The following KIAA0319 variants were observed in gnomAD, a reference collection of about 807,000 sequenced individuals.
KIAA0319 encodes the protein KIAA0319, also known as dyslexia-associated protein KIAA0319.
Under a neutral mutation model 108.4 loss-of-function variants are expected in KIAA0319, and 83 were observed. That is an observed-to-expected ratio of 0.77 (90% CI 0.64 to 0.92). The LOEUF (loss-of-function observed/expected upper bound fraction) is 0.92, where lower values mean the gene tolerates loss of function less well. KIAA0319 is among the 40% of genes least tolerant of loss of function. The pLI is 0.00. For missense variants in KIAA0319, 1,195 were observed against 1,322.4 expected, an observed-to-expected ratio of 0.90 and a Z score of 1.49; for synonymous variants, 484 against 510.4, an observed-to-expected ratio of 0.95 and a Z score of 0.70.
chr6:24,626,946 C>T (rs1337883789), intron 1 of KIAA0319, among the ~76,000 whole-genome samples: 5 of 152,098 alleles, frequency 3.3e-5, no homozygotes, highest in Admixed American at 3.3e-4. Context: ...ACAGAAATGG[C>T]AAGTTAAGAC....
chr6:24,630,387 T>C (rs1358245689), intron 1 of KIAA0319, among the ~76,000 whole-genome samples: 1 of 150,412 alleles, frequency 6.6e-6, no homozygotes, highest in Non-Finnish European at 1.5e-5. Flanking sequence ...CATGCGCCTG[T>C]AATCCCAGCT....
chr6:24,608,733 A>G (rs982088964), intron 1 of KIAA0319, among the ~76,000 whole-genome samples: 6 of 151,792 alleles, frequency 4.0e-5, no homozygotes, highest in Non-Finnish European at 7.4e-5. Context: ...GATCGAGACC[A>G]TCCTGGCTAA....
In KIAA0319 at chr6:24,566,677, A is replaced by T. The variant is rs542390700; in HGVS notation, c.2212T>A (p.Leu738Met). The change falls in exon 14 of 21, where the codon TTG becomes ATG. Residue 738 changes from leucine to methionine, a missense_variant. Leu to Met is a conservative substitution (Grantham distance 15). Coordinates refer to ENST00000378214, the MANE Select transcript of KIAA0319 (RefSeq NM_014809.4). ...VLVLPNNSIT[L>M]DGSRSTDDQR... The stretch of plus-strand genomic sequence containing the variant: ...TCATCAGTAGACCTTGAACCATCCA[A>T]AGTAATGGAATTATTGGGAAGCACA... 24 of 1,613,688 alleles carry T rather than the reference A, an allele frequency of 1.5e-5. No individual in the cohort carries two copies. In the South Asian group the frequency reaches 1.5e-4, roughly 10 times the overall value.
chr6:24,635,406 G>A (rs1395202078), intron 1 of KIAA0319, among the ~76,000 whole-genome samples: 3 of 152,108 alleles, frequency 2.0e-5, no homozygotes, highest in Non-Finnish European at 4.4e-5. Flanking sequence ...ACCTGGCCAG[G>A]AAAGGCAGTT....
In KIAA0319 at chr6:24,546,813, T is replaced by G; in HGVS notation, c.*352A>C. ...GCAATCACAGCAGCTAAGACAGAAA[T>G]CATCCCTTTTTAAAACCTTGTTTCA... On this transcript the variant is annotated 3_prime_UTR_variant, in exon 21 of 21. Transcript: ENST00000378214. 5.0e-6 allele frequency: 1 copy of G among 200,132 alleles called. No homozygotes were observed. Among genetic ancestry groups the G allele is most frequent in the African/African-American group, 2.3e-5 (1 of 43,342 alleles). 12.4% of individuals were successfully genotyped at this position (200,132 alleles called of 1,614,324 possible).
chr6:24,631,248 G>T (rs913728680), intron 1 of KIAA0319, among the ~76,000 whole-genome samples: 2 of 152,090 alleles, frequency 1.3e-5, no homozygotes, highest in Non-Finnish European at 2.9e-5. Flanking sequence ...ACCTGTCTTC[G>T]CCAAGGCAGC....
At chr6:24,571,780 C>A (rs983528299) in intron 11 of KIAA0319, among the ~76,000 whole-genome samples, 6 of 152,316 alleles carry the variant, frequency 3.9e-5, no homozygotes, top group Admixed American at 3.9e-4. Context: ...TCTTCACCGA[C>A]TAACTGTGAC....
Position 24,587,729 on chromosome 6 carries a change from G to C in KIAA0319, c.994+864C>G, listed in dbSNP as rs575720467. Reference sequence around the variant, plus strand: ...AACCTCCCAAGTAGCTGGGGTTACAGGTGTGTGCCACCACGCCCAGCTAAT... The same window carrying C: ...AACCTCCCAAGTAGCTGGGGTTACACGTGTGTGCCACCACGCCCAGCTAAT... On this transcript the variant is annotated intron_variant, in intron 4 of 20. Coordinates refer to ENST00000378214, the MANE Select transcript of KIAA0319 (RefSeq NM_014809.4). 2.0e-5 allele frequency among the ~76,000 whole-genome samples: 3 copies of C among 152,076 alleles called. No homozygotes were observed. In the East Asian group the frequency reaches 5.8e-4, roughly 29 times the overall value.
At chr6:24,615,084 TAG>T (rs996710762) in intron 1 of KIAA0319, among the ~76,000 whole-genome samples, 2 of 152,364 alleles carry the variant, frequency 1.3e-5, no homozygotes, top group African/African-American at 4.8e-5. Flanking sequence ...ATACAGTATT[TAG>T]AGTTAATTGT....
intron 19 of KIAA0319, among the ~76,000 whole-genome samples, chr6:24,554,188 T>C (rs1761977301): frequency 6.6e-6 from 1 of 152,336 alleles, no homozygotes; most frequent in South Asian, 2.1e-4. Context: ...GCAAAGCTGT[T>C]GCTTGACTGG....
chr6:24,571,378 C>CA (rs34896696), intron 11 of KIAA0319, among the ~76,000 whole-genome samples: 238 of 118,672 alleles, frequency 2.0e-3, no homozygotes, highest in African/African-American at 5.5e-3. Flanking sequence ...CCCTGTCTCA[C>CA]AAAAAAAAAA....
intron 10 of KIAA0319, among the ~76,000 whole-genome samples, chr6:24,574,293 C>T (rs1765159444): frequency 6.6e-6 from 1 of 151,844 alleles, no homozygotes; most frequent in Non-Finnish European, 1.5e-5. Flanking sequence ...AAAAATTAGC[C>T]AGGTGTAGTG....
rs1769531852 is a variant in KIAA0319, at chr6:24,596,141, C to T, written c.533G>A (p.Gly178Glu). 2 of 1,613,926 alleles carry T rather than the reference C, an allele frequency of 1.2e-6. No individual in the cohort carries two copies. Among genetic ancestry groups the T allele is most frequent in the South Asian group, 1.1e-5 (1 of 91,080 alleles). ...LQPSGKQEPR[G>E]SAEYTDWGLL... is the part of the protein sequence containing the mutation. ...GCCCCAGTCCGTGTACTCGGCACTC[C>T]CTCTGGGCTCCTGCTTGCCACTGGG... is the stretch of plus-strand genomic sequence containing the variant. The change falls in exon 3 of 21, where the codon GGG becomes GAG. Residue 178 changes from glycine (G) to glutamate (E), a missense_variant. Physicochemically the swap from Gly to Glu is moderately conservative, Grantham distance 98. Transcript: ENST00000378214.
At chr6:24,598,956 G>T in intron 2 of KIAA0319, 2 of 617,922 alleles carry the variant, frequency 3.2e-6, no homozygotes, top group Admixed American at 2.1e-5. Context: ...TGTGGATGAA[G>T]CTTACATGAA....
intron 1 of KIAA0319, among the ~76,000 whole-genome samples, chr6:24,640,526 G>A (rs966833454): frequency 2.0e-5 from 3 of 152,234 alleles, no homozygotes; most frequent in Admixed American, 6.5e-5. Flanking sequence ...AAGAAGAAAT[G>A]TTAAAGAACT....
In KIAA0319 at chr6:24,556,665, A is replaced by G; in HGVS notation, c.2799T>C (p.Ser933=). The change falls in exon 18 of 21, where the codon TCT becomes TCC. Residue 933 remains serine, a synonymous_variant. Transcript: ENST00000378214. The part of the protein sequence containing the change: ...CDPLTKRCIC[S]HLWMENLIQR... ...GTATAAGGTTCTCCATCCATAAGTG[A>G]GAGCAAATGCAGCGCTTTGTGAGGG... The G allele has an allele frequency of 6.2e-7, 1 of 1,614,114 alleles. No homozygotes were observed. Among genetic ancestry groups the G allele is most frequent in the Non-Finnish European group, 8.5e-7 (1 of 1,179,988 alleles).
intron 1 of KIAA0319, among the ~76,000 whole-genome samples, chr6:24,619,105 A>C (rs1394712796): frequency 1.3e-5 from 2 of 152,188 alleles, no homozygotes; most frequent in Non-Finnish European, 2.9e-5. Flanking sequence ...GCATCGCTAG[A>C]AAAGGGAAAG....
chr6:24,550,631 C>T (rs965885785), intron 20 of KIAA0319, among the ~76,000 whole-genome samples: 3 of 152,162 alleles, frequency 2.0e-5, no homozygotes, highest in Non-Finnish European at 4.4e-5. Flanking sequence ...AATTAGATAA[C>T]GCAGCTGCTG....
intron 1 of KIAA0319, among the ~76,000 whole-genome samples, chr6:24,601,899 G>A (rs1395723740): frequency 6.6e-6 from 1 of 152,182 alleles, no homozygotes; most frequent in Admixed American, 6.5e-5. Flanking sequence ...GGTTTCCCGG[G>A]CTGTGGATTG....
Sources: allele counts gnomAD v4.1 joint callset (sites outside exome capture counted in the v4.1 genomes callset), GRCh38; gene constraint gnomAD v4.1.1; transcripts MANE v1.5; gene names NCBI Gene and HGNC (gene_info 2026-07-23, HGNC 2026-07-21).